CTNNA3: variants seen among roughly 807,000 people sequenced by gnomAD.
CTNNA3 encodes catenin alpha-3.
In CTNNA3, 76 loss-of-function variants were observed where a neutral mutation model predicts 95.7. The observed-to-expected ratio is 0.79, with a 90% CI of 0.66 to 0.96. CTNNA3 has a LOEUF of 0.96. Among genes scored for constraint, CTNNA3 ranks in the 40% least tolerant of loss-of-function variants. CTNNA3 has a pLI of 0.00. For synonymous variants in CTNNA3, 431 were observed against 374.4 expected, an observed-to-expected ratio of 1.15 and a Z score of -1.74; for missense variants, 1,191 against 1,089.8, an observed-to-expected ratio of 1.09 and a Z score of -1.31.
intron 1 of CTNNA3, among the ~76,000 whole-genome samples, chr10:67,727,831 A>ATTATG (rs1841248336): frequency 2.0e-4 from 23 of 114,952 alleles, no homozygotes; most frequent in African/African-American, 8.4e-4. Flanking sequence ...ATTATATTAC[A>ATTATG]TATAATATAG....
chr10:66,536,481 C>CA (rs10676331), intron 10 of CTNNA3, among the ~76,000 whole-genome samples: 6,258 of 116,150 alleles, frequency 0.054, 550 homozygotes, highest in African/African-American at 0.19. Flanking sequence ...GACTCTGTCT[C>CA]AAAAAAAAAA....
intron 7 of CTNNA3, among the ~76,000 whole-genome samples, chr10:67,173,951 G>A (rs1252660752): frequency 1.3e-5 from 2 of 152,098 alleles, no homozygotes; most frequent in East Asian, 3.9e-4. Context: ...AATGACAAAG[G>A]GCTCTCAGGC....
At chr10:66,519,704 C>T (rs181898340) in intron 11 of CTNNA3, among the ~76,000 whole-genome samples, 4 of 152,206 alleles carry the variant, frequency 2.6e-5, no homozygotes, top group Non-Finnish European at 4.4e-5. Context: ...CTAGACTGAA[C>T]CTTTGTTCAT....
intron 9 of CTNNA3, among the ~76,000 whole-genome samples, chr10:66,758,867 A>G (rs1194853909): frequency 6.6e-6 from 1 of 152,060 alleles, no homozygotes; most frequent in African/African-American, 2.4e-5. Context: ...TCCAGGAGGC[A>G]GAGGTTGCCG....
At chr10:67,372,135 T>C (rs1359911645) in intron 5 of CTNNA3, among the ~76,000 whole-genome samples, 1 of 152,170 alleles carries the variant, frequency 6.6e-6, no homozygotes, top group East Asian at 1.9e-4. Flanking sequence ...TAGCCCTTTG[T>C]CAGATGAGTA....
chr10:66,820,362 GT>G (rs534241469), intron 7 of CTNNA3, among the ~76,000 whole-genome samples: 83 of 150,856 alleles, frequency 5.5e-4, no homozygotes, highest in Non-Finnish European at 1.5e-4. Context: ...CGATTAAAGG[GT>G]TTTTTTTTGA....
At chr10:67,123,792 T>G (rs1859579415) in intron 7 of CTNNA3, among the ~76,000 whole-genome samples, 1 of 152,230 alleles carries the variant, frequency 6.6e-6, no homozygotes, top group African/African-American at 2.4e-5. Flanking sequence ...ATTAATCAGA[T>G]AATGTAATGC....
Position 67,438,339 on chromosome 10 carries a change from A to G in CTNNA3, c.579+83503T>C, listed in dbSNP as rs12570312. On this transcript the variant is annotated intron_variant, in intron 5 of 17. Coordinates refer to ENST00000433211, the MANE Select transcript of CTNNA3 (RefSeq NM_013266.4). The stretch of plus-strand genomic sequence containing the variant: ...ATTCACTGCTGAAATCTCTCAGGAC[A>G]GTATCTGACACACAGCAGGCTCTCT... Among the ~76,000 whole-genome samples, 777 of 152,272 alleles carry G rather than the reference A, an allele frequency of 5.1e-3. 16 individuals carry two copies. In the East Asian group the frequency reaches 0.061, roughly 12 times the overall value.
At chr10:66,926,851 C>T (rs1023254829) in intron 7 of CTNNA3, 8 of 1,311,850 alleles carry the variant, frequency 6.1e-6, no homozygotes, top group Admixed American at 5.3e-5. Context: ...AAATATATGC[C>T]TATTTTTGCT....
chr10:66,597,200 G>T (rs1032842870), intron 10 of CTNNA3, among the ~76,000 whole-genome samples: 1 of 151,746 alleles, frequency 6.6e-6, no homozygotes, highest in Admixed American at 6.6e-5. Flanking sequence ...CAAACTAATA[G>T]CTGCATTATG....
intron 10 of CTNNA3, among the ~76,000 whole-genome samples, chr10:66,618,106 G>A (rs932625174): frequency 7.2e-5 from 11 of 152,244 alleles, no homozygotes; most frequent in Non-Finnish European, 1.6e-4. Flanking sequence ...TGGATAGGAA[G>A]AATCAATATT....
intron 15 of CTNNA3, among the ~76,000 whole-genome samples, chr10:66,000,368 C>T (rs1643634844): frequency 6.6e-6 from 1 of 152,120 alleles, no homozygotes; most frequent in African/African-American, 2.4e-5. Context: ...TGATCAGAAA[C>T]AGGTCAATTA....
At chr10:67,060,825 C>T (rs1855714869) in intron 7 of CTNNA3, among the ~76,000 whole-genome samples, 1 of 150,830 alleles carries the variant, frequency 6.6e-6, no homozygotes, top group African/African-American at 2.5e-5. Flanking sequence ...TGGTTGTGTA[C>T]ATATATGACA....
chr10:67,647,177 T>G (rs1839741759), intron 2 of CTNNA3, among the ~76,000 whole-genome samples: 1 of 142,440 alleles, frequency 7.0e-6, no homozygotes, highest in Non-Finnish European at 1.5e-5. Flanking sequence ...TATATATATA[T>G]TATTACTGCT....
intron 13 of CTNNA3, among the ~76,000 whole-genome samples, chr10:66,240,234 T>C (rs548088089): frequency 7.8e-4 from 118 of 152,134 alleles, no homozygotes; most frequent in African/African-American, 2.6e-3. Context: ...TAAAGCCCTA[T>C]GGAAATAAAT....
intron 3 of CTNNA3, among the ~76,000 whole-genome samples, chr10:67,560,488 C>G (rs1436670912): frequency 6.6e-6 from 1 of 152,158 alleles, no homozygotes; most frequent in East Asian, 1.9e-4. Flanking sequence ...CTGAAGGAAG[C>G]ACTAAACATG....
At chr10:65,953,199 T>G (rs1253572095) in intron 17 of CTNNA3, among the ~76,000 whole-genome samples, 1 of 152,212 alleles carries the variant, frequency 6.6e-6, no homozygotes, top group Admixed American at 6.5e-5. Context: ...GAACAGTTGA[T>G]GAAGAATCTG....
intron 9 of CTNNA3, among the ~76,000 whole-genome samples, chr10:66,701,603 T>C (rs1847945300): frequency 6.6e-6 from 1 of 152,188 alleles, no homozygotes. Flanking sequence ...ATATTATTGA[T>C]ATTATTGTAA....
intron 7 of CTNNA3, among the ~76,000 whole-genome samples, chr10:66,905,004 A>G (rs1845922786): frequency 6.6e-6 from 1 of 152,234 alleles, no homozygotes; most frequent in Admixed American, 6.5e-5. Context: ...CATTTGACCC[A>G]GCCATCCCAT....
Sources: allele counts gnomAD v4.1 joint callset (sites outside exome capture counted in the v4.1 genomes callset), GRCh38; gene constraint gnomAD v4.1.1; transcripts MANE v1.5; gene names NCBI Gene and HGNC (gene_info 2026-07-23, HGNC 2026-07-21).